The following DOCK4 variants were observed in gnomAD, a reference collection of about 807,000 sequenced individuals.
DOCK4 encodes dedicator of cytokinesis protein 4.
In DOCK4, 97 loss-of-function variants were observed where a neutral mutation model predicts 268.1. The ratio of observed to expected loss-of-function variants is 0.36; its 90% CI spans 0.31 to 0.43. The LOEUF (loss-of-function observed/expected upper bound fraction) is 0.43, where lower values mean the gene tolerates loss of function less well. DOCK4 is among the 20% of genes least tolerant of loss of function. The probability of loss-of-function intolerance (pLI) is 1.00; values close to 1 mark genes in which losing one functional copy is unlikely to be tolerated. For missense variants in DOCK4, 2,145 were observed against 2,455.7 expected (o/e 0.87, Z 2.67); for synonymous variants, 954 against 887.2 (o/e 1.08, Z -1.34).
At position 112,044,692 on chromosome 7, in the gene DOCK4, G is replaced by A. The variant is rs1048664589; in HGVS notation, c.38-40561C>T. On this transcript the variant is annotated intron_variant, in intron 1 of 52. Coordinates refer to ENST00000428084, the MANE Select transcript of DOCK4 (RefSeq NM_001363540.2). ...ATCCCACCACGTTCTTACTCACCTC[G>A]TGAAATACAACTCTCTTGCACTAGT... Among the ~76,000 whole-genome samples the A allele has an allele frequency of 1.1e-4, 16 of 151,990 alleles. No homozygotes were observed. In the Middle Eastern group the frequency reaches 0.014, roughly 129 times the overall value.
intron 10 of DOCK4, 77 bp from the exon 11 acceptor site, chr7:111,940,319 A>G (rs531144862): frequency 1.7e-5 from 27 of 1,580,056 alleles, no homozygotes; most frequent in East Asian, 4.5e-5. Flanking sequence ...ACATACAGCT[A>G]TAAGATAGGC....
At chr7:111,872,393 ATCTG>A in intron 18 of DOCK4, 41 bp from the exon 19 acceptor site, 2 of 1,526,228 alleles carry the variant, frequency 1.3e-6, no homozygotes, top group Non-Finnish European at 8.9e-7. Flanking sequence ...ATAAGATACT[ATCTG>A]TCTTTTTCCT....
At chr7:111,859,644 T>G (rs1034925288) in intron 23 of DOCK4, among the ~76,000 whole-genome samples, 1 of 145,892 alleles carries the variant, frequency 6.9e-6, no homozygotes, top group African/African-American at 2.5e-5. Flanking sequence ...CTCGGCTCAC[T>G]GCAAGCTCCG....
intron 1 of DOCK4, among the ~76,000 whole-genome samples, chr7:112,194,799 CCT>C (rs1398975800): frequency 1.3e-5 from 2 of 152,294 alleles, no homozygotes; most frequent in East Asian, 3.9e-4. Context: ...CAATTCTTCA[CCT>C]CTGATAAGTA....
At chr7:111,931,944 T>C (rs1427473529) in intron 12 of DOCK4, among the ~76,000 whole-genome samples, 1 of 152,180 alleles carries the variant, frequency 6.6e-6, no homozygotes, top group Non-Finnish European at 1.5e-5. Context: ...CACTATACTC[T>C]CTAAGAGATG....
intron 1 of DOCK4, among the ~76,000 whole-genome samples, chr7:112,092,934 T>C (rs796279058): frequency 1.6e-4 from 24 of 152,242 alleles, no homozygotes; most frequent in African/African-American, 5.8e-4. Context: ...GGGAACAGAA[T>C]ACTGAAATCT....
intron 7 of DOCK4, among the ~76,000 whole-genome samples, chr7:111,983,642 A>G (rs1798774771): frequency 6.6e-6 from 1 of 152,118 alleles, no homozygotes; most frequent in Non-Finnish European, 1.5e-5. Context: ...TTAACTTACC[A>G]TGTAACTAGA....
intron 12 of DOCK4, among the ~76,000 whole-genome samples, chr7:111,933,209 T>C (rs1294696968): frequency 1.4e-5 from 2 of 145,378 alleles, no homozygotes; most frequent in Admixed American, 7.0e-5. Context: ...TATACGTATA[T>C]ACACATATAT....
At chr7:112,043,455 TAACC>T (rs1804575429) in intron 1 of DOCK4, among the ~76,000 whole-genome samples, 1 of 150,450 alleles carries the variant, frequency 6.6e-6, no homozygotes, top group African/African-American at 2.4e-5. Flanking sequence ...ACAGTGTAGA[TAACC>T]AAGACATTGC....
At chr7:111,820,318 C>T (rs769373313) in intron 27 of DOCK4, 4 of 152,156 alleles carry the variant, frequency 2.6e-5, no homozygotes, top group Non-Finnish European at 5.9e-5. Context: ...CCAGCCATTG[C>T]CAGTGGAGAG....
At chr7:112,000,386 G>T in intron 3 of DOCK4, 108 bp downstream of exon 3, 1 of 698,104 alleles carries the variant, frequency 1.4e-6, no homozygotes, top group Non-Finnish European at 2.4e-6. Flanking sequence ...ATATCATTTG[G>T]CATTTCAACT....
At chr7:111,806,119 T>C (rs765115930) in intron 30 of DOCK4, among the ~76,000 whole-genome samples, 32 of 152,210 alleles carry the variant, frequency 2.1e-4, no homozygotes, top group Non-Finnish European at 4.7e-4. Flanking sequence ...CTTAGTCAAA[T>C]TGAATTTACT....
At position 111,947,197 on chromosome 7, in the gene DOCK4, A is replaced by AT. The variant is rs1795686191; in HGVS notation, c.702-1400dup. ...AAGGAAGCCTCTATGTTATCACCCG[A>AT]TCCTTGCCTTAAATAATGGTTCTGT... On this transcript the variant is annotated intron_variant, in intron 8 of 52. Coordinates refer to ENST00000428084, the MANE Select transcript of DOCK4 (RefSeq NM_001363540.2). 4.6e-5 allele frequency among the ~76,000 whole-genome samples: 7 copies of AT among 152,288 alleles called. No individual in the cohort carries two copies. The South Asian group carries it at 1.4e-3, about 32-fold the overall frequency.
chr7:111,790,457 C>G lies in DOCK4; in HGVS notation c.3315G>C (p.Gln1105His). Residue 1105 changes from glutamine to histidine, a missense_variant and splice_region_variant, in exon 31 of 53, where the codon CAG becomes CAC. Transcript: ENST00000428084. ...TCTTCTGAGGAGCACTTCTGCCTAC[C>G]TGTTTAAAGTTGCCACTCCGCCTCT... ...WEQRRSGNFKQVEAKLIDKLD... is the reference protein window; with the variant it reads ...WEQRRSGNFKHVEAKLIDKLD... 3 of 1,613,494 alleles carry G rather than the reference C, an allele frequency of 1.9e-6. No individual in the cohort carries two copies. Among genetic ancestry groups the G allele is most frequent in the Non-Finnish European group, 2.5e-6 (3 of 1,179,672 alleles).
chr7:111,841,677 C>A lies in DOCK4; in HGVS notation c.2736+3086G>T, dbSNP rs1586147487. 2.0e-5 allele frequency among the ~76,000 whole-genome samples: 3 copies of A among 152,152 alleles called. No homozygotes were observed. The East Asian group carries it at 5.8e-4, about 29-fold the overall frequency. ...CACACCTGGACAGTCTGGTTTCTCA[C>A]ACAGCAAGGGGTACCACAGAGCTAT... On this transcript the variant is annotated intron_variant, in intron 25 of 52. Coordinates refer to ENST00000428084, the MANE Select transcript of DOCK4 (RefSeq NM_001363540.2).
At chr7:111,957,111 C>T (rs6978089) in intron 8 of DOCK4, among the ~76,000 whole-genome samples, 5,131 of 152,142 alleles carry the variant, frequency 0.034, 290 homozygotes, top group African/African-American at 0.12. Context: ...CTTATGAGAA[C>T]AGGTATATTA....
chr7:111,891,906 A>G (rs1318857037), intron 16 of DOCK4, among the ~76,000 whole-genome samples: 4 of 144,200 alleles, frequency 2.8e-5, no homozygotes, highest in Non-Finnish European at 6.0e-5. Context: ...TCCTTTTCTT[A>G]CTGATTTGTG....
chr7:111,747,501 A>G, intron 42 of DOCK4, 58 bp from the exon 43 acceptor site: 4 of 1,479,916 alleles, frequency 2.7e-6, no homozygotes, highest in Non-Finnish European at 3.6e-6. Context: ...GAAGAAAGAC[A>G]AAGTAGTTTA....
chr7:111,751,731 C>T (rs1010887496), intron 42 of DOCK4, among the ~76,000 whole-genome samples: 16 of 152,016 alleles, frequency 1.1e-4, no homozygotes, highest in African/African-American at 2.7e-4. Flanking sequence ...AGGTATGAGC[C>T]GCCATGCCTG....
Sources: allele counts gnomAD v4.1 joint callset (sites outside exome capture counted in the v4.1 genomes callset), GRCh38; gene constraint gnomAD v4.1.1; transcripts MANE v1.5; gene names NCBI Gene and HGNC (gene_info 2026-07-23, HGNC 2026-07-21).